Variants in GLOD4 observed in about 807,000 individuals in gnomAD.
GLOD4 encodes the protein glyoxalase domain containing 4.
A neutral mutation model predicts 39.1 loss-of-function variants in GLOD4; 44 were observed. The ratio of observed to expected loss-of-function variants is 1.13; its 90% CI spans 0.88 to 1.45. GLOD4 has a LOEUF of 1.45. Ranked by LOEUF, GLOD4 falls within the 40% of genes most tolerant of loss-of-function variation. The probability of loss-of-function intolerance (pLI) is 0.00; values close to 1 mark genes in which losing one functional copy is unlikely to be tolerated. For synonymous variants in GLOD4, 145 were observed against 135.0 expected, an observed-to-expected ratio of 1.07 and a Z score of -0.52; for missense variants, 405 against 366.4, an observed-to-expected ratio of 1.11 and a Z score of -0.86.
At chr17:771,970 G>A (rs954548579) in intron 4 of GLOD4, among the ~76,000 whole-genome samples, 4 of 146,554 alleles carry the variant, frequency 2.7e-5, no homozygotes, top group African/African-American at 7.7e-5. Context: ...CCGAGATGGC[G>A]CCGTTGCACT....
At chr17:769,812 C>G in intron 8 of GLOD4, 57 bp downstream of exon 8, 1 of 1,015,492 alleles carries the variant, frequency 9.8e-7, no homozygotes, top group Non-Finnish European at 1.6e-6. Flanking sequence ...CTCCCACACA[C>G]ACTTAATGCC....
chr17:769,968 A>G lies in GLOD4; in HGVS notation c.745-13T>C, dbSNP rs757800101. 1 of 1,595,246 alleles carries G rather than the reference A, an allele frequency of 6.3e-7. No homozygotes were observed. The highest frequency in any genetic ancestry group is 1.1e-5 in the South Asian group (1 of 90,724). On this transcript the variant is annotated splice_polypyrimidine_tract_variant and intron_variant, in intron 7 of 8. Transcript: ENST00000301329. ...TTTCATGTCCGTCCTACACCAATAAAGAGAAAAGACACCTGCCAAAGACAT... is the reference window on the plus strand; with the variant it reads ...TTTCATGTCCGTCCTACACCAATAAGGAGAAAAGACACCTGCCAAAGACAT...
rs146979961 is a variant in GLOD4 at position 771,456 on chromosome 17, C to G, written c.412G>C (p.Val138Leu). ...QNRSLPQSDP[V>L]LKVTLAVSDL... ...GACACTGCTAGAGTTACTTTTAATA[C>G]AGGATCTGTTGGGTAATAAAGCAGG... Residue 138 changes from valine (V) to leucine (L), a missense_variant, in exon 5 of 9, where the codon GTA becomes CTA. By Grantham distance (32) the Val-to-Leu change is conservative. Transcript: ENST00000301329. 6.3e-5 allele frequency: 98 copies of G among 1,560,760 alleles called. No homozygotes were observed. In the African/African-American group the frequency reaches 1.3e-3, roughly 20 times the overall value.
At chr17:771,287 T>C (rs372013035) in intron 5 of GLOD4, 38 bp downstream of exon 5, 4 of 1,435,154 alleles carry the variant, frequency 2.8e-6, no homozygotes, top group Non-Finnish European at 3.8e-6. Context: ...ACAAGCCAAA[T>C]TCAAAGTAAC....
At chr17:777,020 T>C (rs1720564460) in intron 2 of GLOD4, 32 bp from the exon 3 acceptor site, 1 of 1,607,974 alleles carries the variant, frequency 6.2e-7, no homozygotes, top group Admixed American at 1.7e-5. Context: ...ACTCAGTGAC[T>C]ACAGACAAGT....
At chr17:782,049 G>A (rs1444304833) in intron 1 of GLOD4, 117 bp downstream of exon 1, 8 of 701,220 alleles carry the variant, frequency 1.1e-5, no homozygotes, top group Admixed American at 5.6e-5. Flanking sequence ...AGGGCCTAAG[G>A]TCGGACACCC....
At chr17:783,206 T>C, upstream of GLOD4, 1 of 1,614,190 alleles carries the variant, frequency 6.2e-7, no homozygotes. Context: ...TGTTCTTCTT[T>C]AGCCGTCTAG....
chr17:782,403 A>G (rs994680968), upstream of GLOD4: 5 of 1,613,598 alleles, frequency 3.1e-6, no homozygotes, highest in East Asian at 2.2e-5. Flanking sequence ...GAGACCCGCG[A>G]GGTTTGTCGT....
At chr17:764,988 C>T (rs967442531) in intron 8 of GLOD4, 3 of 150,746 alleles carry the variant, frequency 2.0e-5, no homozygotes, top group Non-Finnish European at 4.4e-5. Context: ...GCCTGGGTGA[C>T]AGAGCGAGAC....
chr17:782,184 C>G lies in GLOD4; in HGVS notation c.72G>C (p.Arg24=). 1 of 1,607,718 alleles carries G rather than the reference C, an allele frequency of 6.2e-7. No homozygotes were observed. The highest frequency in any genetic ancestry group is 8.5e-7 in the Non-Finnish European group (1 of 1,175,552). ...GNRFQTARFY[R]DVLGMKVLRH... ...CCTGCACCTTCATCCCCAGGACGTC[C>G]CGATAGAAACGCGCCGTCTGGAAGC... Residue 24 remains arginine (R), a synonymous_variant, in exon 1 of 9, where the codon CGG becomes CGC. Transcript: ENST00000301329.
chr17:778,466 G>A (rs866532149), intron 2 of GLOD4: 20 of 592,532 alleles, frequency 3.4e-5, no homozygotes, highest in African/African-American at 2.4e-4. Context: ...TGTTCCCGAC[G>A]CTCCTGAAGT....
At chr17:779,594 C>T (rs927988982) in intron 1 of GLOD4, among the ~76,000 whole-genome samples, 6 of 149,998 alleles carry the variant, frequency 4.0e-5, no homozygotes, top group African/African-American at 1.5e-4. Flanking sequence ...GCTGAGATTG[C>T]ACCATTACAC....
At chr17:776,173 C>T (rs776427588) in intron 3 of GLOD4, among the ~76,000 whole-genome samples, 1 of 152,212 alleles carries the variant, frequency 6.6e-6, no homozygotes, top group African/African-American at 2.4e-5. Context: ...CCAAAGATAA[C>T]GTCTTCTAAT....
chr17:779,414 G>A (rs1371818937), intron 1 of GLOD4, among the ~76,000 whole-genome samples: 4 of 150,144 alleles, frequency 2.7e-5, no homozygotes, highest in African/African-American at 9.8e-5. Flanking sequence ...CAGATCACCT[G>A]AGGTCGGGAG....
chr17:785,224 A>G (rs559419734), upstream of GLOD4, among the ~76,000 whole-genome samples: 1 of 152,290 alleles, frequency 6.6e-6, no homozygotes, highest in East Asian at 1.9e-4. Flanking sequence ...ATGGTGATTC[A>G]AAAAGAAACT....
intron 1 of GLOD4, among the ~76,000 whole-genome samples, chr17:779,262 C>T (rs1197368991): frequency 2.1e-5 from 3 of 141,894 alleles, no homozygotes; most frequent in Non-Finnish European, 3.0e-5. Context: ...TGCAGTGAGC[C>T]GAGATCGTGC....
At position 782,275 on chromosome 17, in the gene GLOD4, C is replaced by A; in HGVS notation, c.-20G>T. The A allele has an allele frequency of 6.2e-7, 1 of 1,612,818 alleles. No homozygotes were observed. Among genetic ancestry groups the A allele is most frequent in the Non-Finnish European group, 8.5e-7 (1 of 1,179,224 alleles). ...AGCCATGATTCCCGCCGCACGCAGC[C>A]GTCACGCGCACCGTACAGCCCAGTC... On this transcript the variant is annotated 5_prime_UTR_variant, in exon 1 of 9. Coordinates refer to ENST00000301329, the MANE Select transcript of GLOD4 (RefSeq NM_016080.4).
At chr17:760,411 A>G (rs1241718791) in intron 8 of GLOD4, among the ~76,000 whole-genome samples, 173 bp from the exon 9 acceptor site, 1 of 152,212 alleles carries the variant, frequency 6.6e-6, no homozygotes, top group Non-Finnish European at 1.5e-5. Flanking sequence ...TTTAACATTT[A>G]AAGAGTATTA....
At chr17:762,200 G>A (rs1263146546) in intron 8 of GLOD4, among the ~76,000 whole-genome samples, 2 of 152,218 alleles carry the variant, frequency 1.3e-5, no homozygotes, top group Non-Finnish European at 2.9e-5. Flanking sequence ...ATAATTTAAG[G>A]ATGAGGAGAA....
Sources: gnomAD v4.1 joint callset for allele counts (sites outside exome capture counted in the v4.1 genomes callset) on GRCh38, gnomAD v4.1.1 for gene constraint, MANE v1.5 for transcripts, NCBI Gene and HGNC (gene_info 2026-07-23, HGNC 2026-07-21) for gene names.